The following NME9 variants were observed in gnomAD, a reference collection of about 807,000 sequenced individuals.
The protein encoded by NME9 is thioredoxin domain-containing protein 6.
A neutral mutation model predicts 44.4 loss-of-function variants in NME9; 48 were observed. The ratio of observed to expected loss-of-function variants is 1.08; its 90% CI spans 0.86 to 1.37. NME9 has a LOEUF of 1.37. Ranked by LOEUF, NME9 falls within the 40% of genes most tolerant of loss-of-function variation. NME9 has a pLI of 0.00. For missense variants in NME9, 325 were observed against 405.2 expected (o/e 0.80, Z 1.70); for synonymous variants, 139 against 147.1 (o/e 0.94, Z 0.40).
exon 9 of NME9, chr3:138,262,276 T>C (rs2047819366): frequency 2.6e-6 from 1 of 390,118 alleles, no homozygotes; most frequent in Non-Finnish European, 4.6e-6. Context: ...CAGAGAGTGA[T>C]TGTGCATATC....
exon 9 of NME9, chr3:138,262,565 C>G (rs200492126): frequency 6.2e-7 from 1 of 1,611,976 alleles, no homozygotes; most frequent in East Asian, 2.2e-5. Context: ...GATCTTCAAC[C>G]TTGGCTGTGT....
intron 8 of NME9, among the ~76,000 whole-genome samples, chr3:138,275,036 G>A (rs2049144971): frequency 1.3e-5 from 2 of 152,152 alleles, no homozygotes; most frequent in Non-Finnish European, 2.9e-5. Context: ...AGGAGGGCAA[G>A]TTAAGGGTAG....
intron 1 of NME9, among the ~76,000 whole-genome samples, chr3:138,326,682 G>A (rs2053807195): frequency 6.6e-6 from 1 of 151,722 alleles, no homozygotes; most frequent in Non-Finnish European, 1.5e-5. Flanking sequence ...TAATCTGCCT[G>A]CCTCGGCCTT....
rs2053991891 is a variant in NME9 at position 138,329,449 on chromosome 3, C to T, written c.-114G>A. 2.0e-6 allele frequency: 3 copies of T among 1,511,732 alleles called. No homozygotes were observed. Among genetic ancestry groups the T allele is most frequent in the East Asian group, 2.5e-5 (1 of 40,014 alleles). 93.6% of individuals were successfully genotyped at this position (1,511,732 alleles called of 1,614,324 possible). A position where few individuals can be genotyped will look rare whatever the true frequency, so the allele number is the denominator to read the frequency against. On this transcript the variant is annotated 5_prime_UTR_variant, in exon 1 of 11. Transcript: ENST00000333911. ...CCCAGAGCCTCCTTCAGACAAGCCC[C>T]CCTCCTACGGCCCCCGGCCCCTTTT... is the stretch of plus-strand genomic sequence containing the variant.
rs575859130 is a variant in NME9 at position 138,275,015 on chromosome 3, C to T, written c.746-12429G>A. 5.1e-4 allele frequency among the ~76,000 whole-genome samples: 77 copies of T among 152,272 alleles called. No individual in the cohort carries two copies. In the South Asian group the frequency reaches 0.011, roughly 21 times the overall value. On this transcript the variant is annotated intron_variant, in intron 8 of 8. Coordinates refer to the NME9 transcript ENST00000317876. Reference sequence around the variant, plus strand: ...ATTCCTCATCCCATAACCCTACTTCCATTAAGTTTCAGGAGGGCAAGTTAA... The same window carrying T: ...ATTCCTCATCCCATAACCCTACTTCTATTAAGTTTCAGGAGGGCAAGTTAA...
exon 9 of NME9, chr3:138,261,787 AAG>A (rs2047771102): frequency 6.6e-6 from 1 of 152,258 alleles, no homozygotes; most frequent in Non-Finnish European, 1.5e-5. Context: ...TTTGAGCTTG[AAG>A]TACCCAACCT....
At chr3:138,325,188 A>G (rs577971960) in intron 1 of NME9, among the ~76,000 whole-genome samples, 6 of 152,330 alleles carry the variant, frequency 3.9e-5, no homozygotes, top group Middle Eastern at 3.4e-3. Flanking sequence ...CAGGAACAAT[A>G]TATAAATTGT....
At chr3:138,262,260 T>G in exon 9 of NME9, 1 of 317,476 alleles carries the variant, frequency 3.1e-6, no homozygotes, top group South Asian at 7.2e-5. Flanking sequence ...GAGGTGACAA[T>G]GAGGACAGAG....
At chr3:138,282,993 A>C (rs1055301644) in intron 8 of NME9, among the ~76,000 whole-genome samples, 1 of 152,224 alleles carries the variant, frequency 6.6e-6, no homozygotes, top group Non-Finnish European at 1.5e-5. Flanking sequence ...CACCTTCTCC[A>C]GATCAGATCA....
At chr3:138,279,384 T>C (rs2049646075) in intron 8 of NME9, among the ~76,000 whole-genome samples, 2 of 152,224 alleles carry the variant, frequency 1.3e-5, no homozygotes, top group African/African-American at 4.8e-5. Flanking sequence ...ACTAACATAT[T>C]TGAGGTAAAC....
rs77745741 is a variant in NME9 at position 138,321,506 on chromosome 3, G to T, written c.92-1925C>A. Among the ~76,000 whole-genome samples the T allele has an allele frequency of 8.5e-3, 1,301 of 152,322 alleles. 15 individuals carry two copies. The highest frequency in any genetic ancestry group is 0.029 in the African/African-American group (1,188 of 41,560). ...TTAAAACCATTACTTTGGCCATTCA[G>T]TTTCAACACCTGAATTTTGAAGGGG... On this transcript the variant is annotated intron_variant, in intron 2 of 10. Coordinates refer to ENST00000333911, the MANE Select transcript of NME9 (RefSeq NM_001349018.2).
At chr3:138,298,582 GCCT>G (rs1216737663), downstream of NME9, among the ~76,000 whole-genome samples, 2 of 151,946 alleles carry the variant, frequency 1.3e-5, no homozygotes, top group African/African-American at 4.8e-5. Flanking sequence ...TCTCTTTTTG[GCCT>G]CCTTCTGAAG....
At chr3:138,263,721 A>G (rs2047985482) in intron 8 of NME9, 1 of 1,604,656 alleles carries the variant, frequency 6.2e-7, no homozygotes. Flanking sequence ...TTTATGCAGC[A>G]TTAACCTTTT....
downstream of NME9, among the ~76,000 whole-genome samples, chr3:138,299,634 C>T (rs1020236237): frequency 6.6e-6 from 1 of 152,124 alleles, no homozygotes; most frequent in African/African-American, 2.4e-5. Context: ...CCCACAGCAT[C>T]CCTGAGTCAC....
At chr3:138,302,424 A>AC (rs1240569240) in intron 10 of NME9, among the ~76,000 whole-genome samples, 1 of 151,440 alleles carries the variant, frequency 6.6e-6, no homozygotes, top group Admixed American at 6.6e-5. Context: ...TCCAATCACC[A>AC]CCCCCCATTC....
At chr3:138,270,755 A>G (rs868431819) in intron 8 of NME9, among the ~76,000 whole-genome samples, 1 of 152,198 alleles carries the variant, frequency 6.6e-6, no homozygotes, top group Non-Finnish European at 1.5e-5. Flanking sequence ...ATAATTTTTT[A>G]ACAGTTTCTA....
chr3:138,279,616 A>G (rs115617962), intron 8 of NME9, among the ~76,000 whole-genome samples: 2,330 of 152,116 alleles, frequency 0.015, 61 homozygotes, highest in African/African-American at 0.051. Context: ...AGAATTAATT[A>G]TTTTTTTCTT....
chr3:138,284,509 A>G (rs2050218354), intron 8 of NME9: 1 of 1,611,994 alleles, frequency 6.2e-7, no homozygotes, highest in African/African-American at 1.3e-5. Flanking sequence ...TATCCTACAG[A>G]AAATCAAGTA....
chr3:138,328,679 A>C (rs988987727), intron 1 of NME9, among the ~76,000 whole-genome samples: 1 of 152,206 alleles, frequency 6.6e-6, no homozygotes, highest in Admixed American at 6.5e-5. Flanking sequence ...TTTTACCATC[A>C]CTTCAGAATC....
Sources: allele counts gnomAD v4.1 joint callset (sites outside exome capture counted in the v4.1 genomes callset), GRCh38; gene constraint gnomAD v4.1.1; transcripts MANE v1.5; gene names NCBI Gene and HGNC (gene_info 2026-07-23, HGNC 2026-07-21).